Variants in MFSD8 observed in about 807,000 individuals in gnomAD.
The protein encoded by MFSD8 is major facilitator superfamily domain containing 8.
In MFSD8, 55 loss-of-function variants were observed where a neutral mutation model predicts 66.4. The ratio of observed to expected loss-of-function variants is 0.83; its 90% CI spans 0.67 to 1.04. MFSD8 has a LOEUF of 1.04. Among genes scored for constraint, MFSD8 ranks in the 50% least tolerant of loss-of-function variants. The pLI is 0.00. For missense variants in MFSD8, 550 were observed against 627.6 expected, an observed-to-expected ratio of 0.88 and a Z score of 1.32; for synonymous variants, 202 against 212.8, an observed-to-expected ratio of 0.95 and a Z score of 0.44.
chr4:127,964,265 G>T (rs1744507245), intron 1 of MFSD8, among the ~76,000 whole-genome samples: 1 of 152,244 alleles, frequency 6.6e-6, no homozygotes, highest in African/African-American at 2.4e-5. Context: ...TGGTCGATGG[G>T]ACTAGGCACC....
At chr4:127,937,590 T>C (rs1418571736) in intron 7 of MFSD8, among the ~76,000 whole-genome samples, 1 of 152,202 alleles carries the variant, frequency 6.6e-6, no homozygotes, top group Non-Finnish European at 1.5e-5. Context: ...ATGAAAAGCT[T>C]AATAAAGAAA....
chr4:127,965,201 G>A (rs1057522504), upstream of MFSD8: 3 of 1,593,744 alleles, frequency 1.9e-6, no homozygotes, highest in Non-Finnish European at 2.6e-6. Flanking sequence ...ATCCCGGGTG[G>A]CGTGAAGCTG....
At chr4:127,962,422 C>T (rs539537026) in intron 1 of MFSD8, among the ~76,000 whole-genome samples, 56 of 152,122 alleles carry the variant, frequency 3.7e-4, no homozygotes, top group Middle Eastern at 3.4e-3. Flanking sequence ...GAGCCAAAAT[C>T]GCACCACTGC....
intron 6 of MFSD8, chr4:127,939,039 G>A: frequency 7.7e-6 from 3 of 387,940 alleles, no homozygotes; most frequent in South Asian, 6.2e-5. Flanking sequence ...ATCATAAACA[G>A]GTAAAATGAA....
chr4:127,938,606 A>G (rs5011745), intron 7 of MFSD8, among the ~76,000 whole-genome samples, 177 bp downstream of exon 7: 1 of 141,450 alleles, frequency 7.1e-6, no homozygotes, highest in Admixed American at 7.0e-5. Context: ...TAAATAAATA[A>G]ATAAATAAAT....
chr4:127,965,054 C>T lies in MFSD8; in HGVS notation c.62+18G>A, dbSNP rs755005994. 3.1e-6 allele frequency: 5 copies of T among 1,612,600 alleles called. No individual in the cohort carries two copies. The African/African-American group carries it at 4.0e-5, about 13-fold the overall frequency. On this transcript the variant is annotated intron_variant, in intron 1 of 11. Coordinates refer to ENST00000641686, the MANE Select transcript of MFSD8 (RefSeq NM_001371596.2). ...CAGCGCAGGAGACTGAGGGGTCCCT[C>T]CACCAGGATCCGCTCACCTGCTTCC...
intron 9 of MFSD8, among the ~76,000 whole-genome samples, chr4:127,924,227 G>GT (rs1160854260): frequency 1.3e-5 from 2 of 152,240 alleles, no homozygotes; most frequent in East Asian, 3.9e-4. Context: ...TTGGGAGGGT[G>GT]TATGTGTCCA....
At position 127,920,844 on chromosome 4, in the gene MFSD8, G is replaced by A. The variant is rs1736240824; in HGVS notation, c.1351-8C>T. 2 of 1,612,458 alleles carry A rather than the reference G, an allele frequency of 1.2e-6. No homozygotes were observed. Among genetic ancestry groups the A allele is most frequent in the East Asian group, 2.2e-5 (1 of 44,842 alleles). ...CCAGCCCATGTATACACCCTGTTGGGGGTGAAATGGAGGACAAGCAGATTG... is the reference window on the plus strand; with the variant it reads ...CCAGCCCATGTATACACCCTGTTGGAGGTGAAATGGAGGACAAGCAGATTG... On this transcript the variant is annotated splice_region_variant and splice_polypyrimidine_tract_variant and intron_variant, in intron 11 of 11. Transcript: ENST00000641686.
At chr4:127,922,751 T>C (rs1347139184) in intron 9 of MFSD8, among the ~76,000 whole-genome samples, 1 of 152,190 alleles carries the variant, frequency 6.6e-6, no homozygotes, top group Non-Finnish European at 1.5e-5. Flanking sequence ...GCCTTTCCTA[T>C]ACAACTATAG....
intron 2 of MFSD8, among the ~76,000 whole-genome samples, chr4:127,954,539 C>G (rs1742539816): frequency 6.6e-6 from 1 of 152,164 alleles, no homozygotes; most frequent in Non-Finnish European, 1.5e-5. Flanking sequence ...TAGCTTGAAC[C>G]CGAAAGCGGG....
intron 2 of MFSD8, among the ~76,000 whole-genome samples, 173 bp downstream of exon 2, chr4:127,957,328 T>C (rs528583490): frequency 6.6e-6 from 1 of 152,202 alleles, no homozygotes; most frequent in African/African-American, 2.4e-5. Flanking sequence ...TGCACAACAA[T>C]GTGGATATAC....
In MFSD8 at chr4:127,938,579, T is replaced by G. The variant is rs527739208; in HGVS notation, c.754+204A>C. Among the ~76,000 whole-genome samples the G allele has an allele frequency of 9.0e-4, 108 of 119,458 alleles. 2 individuals carry two copies. The highest frequency in any genetic ancestry group is 4.2e-4 in the Non-Finnish European group (25 of 59,538). The allele number at this position is 119,458 out of a possible 152,430, so 78.4% of individuals were successfully genotyped here. On this transcript the variant is annotated intron_variant, in intron 7 of 11. Transcript: ENST00000641686. ...GCCTGGGCGACAGAGCGAAACTCTG[T>G]CTCAAAAAAAAAAAAATAAATAAAT...
At chr4:127,950,836 T>C (rs371414656) in intron 2 of MFSD8, among the ~76,000 whole-genome samples, 263 of 151,836 alleles carry the variant, frequency 1.7e-3, no homozygotes, top group Middle Eastern at 6.8e-3. Context: ...GGTGGGTGAA[T>C]CACTTGAGGC....
chr4:127,925,156 C>T (rs1736980027), intron 9 of MFSD8, among the ~76,000 whole-genome samples: 1 of 152,174 alleles, frequency 6.6e-6, no homozygotes, highest in Admixed American at 6.5e-5. Context: ...AAAACCTAGG[C>T]ATTACCATTC....
chr4:127,960,631 A>AT (rs1743589978), intron 1 of MFSD8, among the ~76,000 whole-genome samples: 1 of 152,242 alleles, frequency 6.6e-6, no homozygotes. Flanking sequence ...AAAATATTCT[A>AT]TAAAGATATG....
intron 2 of MFSD8, among the ~76,000 whole-genome samples, chr4:127,952,700 TCTCTACTAAAAATACAAAAATTAGCTGGG>T (rs772196047): frequency 2.0e-5 from 3 of 151,896 alleles, no homozygotes; most frequent in Non-Finnish European, 2.9e-5. Context: ...TGAAACCCCG[TCTCTACTAAAAATACAAAAATTAGCTGGG>T]CGTGGTGGCA....
intron 1 of MFSD8, among the ~76,000 whole-genome samples, chr4:127,960,748 A>C (rs114822339): frequency 0.026 from 3,979 of 152,250 alleles, 155 homozygotes; most frequent in African/African-American, 0.091. Flanking sequence ...CGTGAGCTAC[A>C]AACGGTTTTT....
rs1736087196 is a variant in MFSD8, at chr4:127,919,102, G to A, written c.*1528C>T. The A allele has an allele frequency of 6.6e-6, 1 of 152,158 alleles. No individual in the cohort carries two copies. The highest frequency in any genetic ancestry group is 2.1e-4 in the South Asian group (1 of 4,836). 9.4% of individuals were successfully genotyped at this position (152,158 alleles called of 1,614,324 possible). A position where few individuals can be genotyped will look rare whatever the true frequency, so the allele number is the denominator to read the frequency against. Reference sequence around the variant, plus strand: ...TGAAAACAGTCTTCAAAATTTAATCGTAGAATAATTCTATCAAATTAAGCC... The same window carrying A: ...TGAAAACAGTCTTCAAAATTTAATCATAGAATAATTCTATCAAATTAAGCC... On this transcript the variant is annotated 3_prime_UTR_variant, in exon 12 of 12. Transcript: ENST00000641686.
At chr4:127,935,791 C>T (rs544294440) in intron 7 of MFSD8, among the ~76,000 whole-genome samples, 16 of 152,212 alleles carry the variant, frequency 1.1e-4, no homozygotes, top group African/African-American at 3.9e-4. Flanking sequence ...TGAAATGTGG[C>T]TAGTATGACA....
Sources: gnomAD v4.1 joint callset for allele counts (sites outside exome capture counted in the v4.1 genomes callset) on GRCh38, gnomAD v4.1.1 for gene constraint, MANE v1.5 for transcripts, NCBI Gene and HGNC (gene_info 2026-07-23, HGNC 2026-07-21) for gene names.